KIF13A: variants seen among roughly 807,000 people sequenced by gnomAD.
KIF13A encodes kinesin-like protein KIF13A.
In KIF13A, 79 loss-of-function variants were observed where a neutral mutation model predicts 212.2. That is an observed-to-expected ratio of 0.37 (90% CI 0.31 to 0.45). KIF13A has a LOEUF of 0.45. Among genes scored for constraint, KIF13A ranks in the 20% least tolerant of loss-of-function variants. The probability of loss-of-function intolerance (pLI) is 1.00; values close to 1 mark genes in which losing one functional copy is unlikely to be tolerated. For missense variants in KIF13A, 1,901 were observed against 2,209.0 expected, an observed-to-expected ratio of 0.86 and a Z score of 2.79; for synonymous variants, 789 against 808.6, an observed-to-expected ratio of 0.98 and a Z score of 0.41.
intron 3 of KIF13A, among the ~76,000 whole-genome samples, chr6:17,893,105 C>T (rs1287015742): frequency 1.3e-5 from 2 of 152,152 alleles, no homozygotes. Flanking sequence ...GATAGTAGGG[C>T]ACTCAGTTGA....
At chr6:17,857,970 C>A (rs144141831) in intron 4 of KIF13A, among the ~76,000 whole-genome samples, 1 of 151,758 alleles carries the variant, frequency 6.6e-6, no homozygotes, top group East Asian at 1.9e-4. Flanking sequence ...AACAATAAAC[C>A]CCCAACACCC....
chr6:17,818,474 A>G (rs890207664), intron 16 of KIF13A, among the ~76,000 whole-genome samples: 6 of 152,236 alleles, frequency 3.9e-5, no homozygotes, highest in African/African-American at 1.4e-4. Flanking sequence ...TTCAAAAAAT[A>G]AAGTTAAATA....
In KIF13A at chr6:17,786,460, G is replaced by A. The variant is rs1761062789; in HGVS notation, c.3362-819C>T. ...CTAAAAATACAAAAATTAGCCAGGC[G>A]TGGTGGTGGGCGCCTTGTAGTCCCA... On this transcript the variant is annotated intron_variant, in intron 27 of 38. Transcript: ENST00000259711. The surrounding 1 kb of genome is among the most constrained non-coding windows in gnomAD (Gnocchi z 5.4). Among the ~76,000 whole-genome samples the A allele has an allele frequency of 2.0e-5, 3 of 151,950 alleles. No individual in the cohort carries two copies. Among genetic ancestry groups the A allele is most frequent in the South Asian group, 2.1e-4 (1 of 4,814 alleles).
At chr6:17,881,696 A>G in intron 3 of KIF13A, 1 of 311,502 alleles carries the variant, frequency 3.2e-6, no homozygotes, top group Non-Finnish European at 6.4e-6. Context: ...ACTGTGTCTC[A>G]AAAAAAAGCA....
At position 17,982,013 on chromosome 6, in the gene KIF13A, T is replaced by C. The variant is rs946550106; in HGVS notation, c.146+5041A>G. Among the ~76,000 whole-genome samples, 1 of 152,146 alleles carries C rather than the reference T, an allele frequency of 6.6e-6. No individual in the cohort carries two copies. Among genetic ancestry groups the C allele is most frequent in the South Asian group, 2.1e-4 (1 of 4,828 alleles). ...ATTTACAGACTGAATAGCCCTTATC[T>C]AAAATGCTTGGGACCAGAAGTGTTT... On this transcript the variant is annotated intron_variant, in intron 2 of 38. Coordinates refer to ENST00000259711, the MANE Select transcript of KIF13A (RefSeq NM_022113.6). This position sits in a 1 kb window ranked among gnomAD's most constrained non-coding sequence, Gnocchi z 5.1.
chr6:17,853,531 G>A (rs1767858399), intron 6 of KIF13A, among the ~76,000 whole-genome samples: 9 of 152,008 alleles, frequency 5.9e-5, no homozygotes, highest in Admixed American at 5.9e-4. Context: ...CTATACAGCA[G>A]GAAACCTGTA....
At chr6:17,841,094 T>C (rs1766457333) in intron 9 of KIF13A, among the ~76,000 whole-genome samples, 1 of 136,546 alleles carries the variant, frequency 7.3e-6, no homozygotes, top group Non-Finnish European at 1.6e-5. Flanking sequence ...TTTTTTTTTT[T>C]TCCAAAGACA....
At chr6:17,874,283 G>GTTTTTTTTTTTT (rs67558921) in intron 3 of KIF13A, among the ~76,000 whole-genome samples, 1 of 147,934 alleles carries the variant, frequency 6.8e-6, no homozygotes, top group Non-Finnish European at 1.5e-5. Context: ...TTTTGTTTTT[G>GTTTTTTTTTTTT]TTTTTTGGTG....
At position 17,837,144 on chromosome 6, in the gene KIF13A, AT is replaced by A; in HGVS notation, c.943-55del. ...GAAGCCCATTCCATGGACAACACAT[AT>A]GATAAAAGCACTAAATGTGTTAGGT... On this transcript the variant is annotated intron_variant, in intron 10 of 38. Coordinates refer to ENST00000259711, the MANE Select transcript of KIF13A (RefSeq NM_022113.6). This position sits in a 1 kb window ranked among gnomAD's most constrained non-coding sequence, Gnocchi z 5.4. 1 of 1,444,980 alleles carries A rather than the reference AT, an allele frequency of 6.9e-7. No individual in the cohort carries two copies. The allele number at this position is 1,444,980 out of a possible 1,614,324, so 89.5% of individuals were successfully genotyped here. A position where few individuals can be genotyped will look rare whatever the true frequency, so the allele number is the denominator to read the frequency against.
intron 16 of KIF13A, among the ~76,000 whole-genome samples, chr6:17,820,926 G>A (rs750237630): frequency 1.3e-5 from 2 of 152,204 alleles, no homozygotes; most frequent in African/African-American, 2.4e-5. Flanking sequence ...AAACTGAATT[G>A]AGGGGAAACA....
chr6:17,891,610 T>C (rs1772065583), intron 3 of KIF13A, among the ~76,000 whole-genome samples: 1 of 152,036 alleles, frequency 6.6e-6, no homozygotes, highest in South Asian at 2.1e-4. Context: ...ATTAAAAAAT[T>C]AGCCAAGTGT....
At chr6:17,945,755 A>C (rs1032217943) in intron 2 of KIF13A, among the ~76,000 whole-genome samples, 1 of 152,166 alleles carries the variant, frequency 6.6e-6, no homozygotes, top group African/African-American at 2.4e-5. Context: ...TGACCAAGCC[A>C]CCCCTATAGC....
At chr6:17,944,757 T>C (rs1289419935) in intron 2 of KIF13A, among the ~76,000 whole-genome samples, 1 of 152,206 alleles carries the variant, frequency 6.6e-6, no homozygotes, top group Admixed American at 6.5e-5. Flanking sequence ...CGTCTGATTA[T>C]TCTATGCTTG....
In KIF13A at chr6:17,809,038, T is replaced by A; in HGVS notation, c.2001-108A>T. The A allele has an allele frequency of 9.6e-7, 1 of 1,036,468 alleles. No homozygotes were observed. Among genetic ancestry groups the A allele is most frequent in the Non-Finnish European group, 1.4e-6 (1 of 738,586 alleles). The allele number at this position is 1,036,468 out of a possible 1,614,324, so 64.2% of individuals were successfully genotyped here. Reference sequence around the variant, plus strand: ...GGGAGAAAACTCCTCTCGGGCAGTATTTTTCAAACTATTTTACCAGACTAC... The same window carrying A: ...GGGAGAAAACTCCTCTCGGGCAGTAATTTTCAAACTATTTTACCAGACTAC... On this transcript the variant is annotated intron_variant, in intron 17 of 38. Transcript: ENST00000259711. This position sits in a 1 kb window ranked among gnomAD's most constrained non-coding sequence, Gnocchi z 4.7.
At position 17,856,695 on chromosome 6, in the gene KIF13A, C is replaced by T. The variant is rs553247511; in HGVS notation, c.221-573G>A. Among the ~76,000 whole-genome samples, 3 of 152,342 alleles carry T rather than the reference C, an allele frequency of 2.0e-5. No individual in the cohort carries two copies. Among genetic ancestry groups the T allele is most frequent in the South Asian group, 2.1e-4 (1 of 4,828 alleles). On this transcript the variant is annotated intron_variant, in intron 4 of 38. Coordinates refer to ENST00000259711, the MANE Select transcript of KIF13A (RefSeq NM_022113.6). The surrounding 1 kb of genome is among the most constrained non-coding windows in gnomAD (Gnocchi z 4.5). ...CTCTTTTGTGAATCTCTGTATCACA[C>T]TGCAGCTCTTGGGGGCATTGTGTCA...
chr6:17,958,592 T>C (rs1257513162), intron 2 of KIF13A, among the ~76,000 whole-genome samples: 1 of 152,228 alleles, frequency 6.6e-6, no homozygotes. Context: ...GCAAAGACAA[T>C]ATGTATTTGA....
intron 2 of KIF13A, among the ~76,000 whole-genome samples, chr6:17,927,061 A>G (rs372461495): frequency 6.6e-6 from 1 of 151,784 alleles, no homozygotes; most frequent in South Asian, 2.1e-4. Flanking sequence ...AATTGCTTGA[A>G]CCCAGGAGAC....
At chr6:17,798,154 GAAGAAA>G (rs1762199907) in intron 22 of KIF13A, among the ~76,000 whole-genome samples, 1 of 151,966 alleles carries the variant, frequency 6.6e-6, no homozygotes, top group African/African-American at 2.4e-5. Context: ...CAGAATTTAA[GAAGAAA>G]AAGAAACTTC....
At chr6:17,800,728 G>A (rs1762406184) in intron 20 of KIF13A, among the ~76,000 whole-genome samples, 1 of 151,834 alleles carries the variant, frequency 6.6e-6, no homozygotes, top group Admixed American at 6.6e-5. Context: ...AGCTTCCCAA[G>A]TAGCTGGGAT....
Sources: gnomAD v4.1 joint callset for allele counts (sites outside exome capture counted in the v4.1 genomes callset) on GRCh38, gnomAD v4.1.1 for gene constraint, Gnocchi (gnomAD v3.1) non-coding constraint, MANE v1.5 for transcripts, NCBI Gene and HGNC (gene_info 2026-07-23, HGNC 2026-07-21) for gene names.